Variants in CRTC1 observed in about 807,000 individuals in gnomAD.
The protein encoded by CRTC1 is CREB-regulated transcription coactivator 1.
A neutral mutation model predicts 66.1 loss-of-function variants in CRTC1; 18 were observed. That is an observed-to-expected ratio of 0.27 (90% CI 0.19 to 0.40). CRTC1 has a LOEUF of 0.40. Among genes scored for constraint, CRTC1 ranks in the 10% least tolerant of loss-of-function variants. CRTC1 has a pLI of 1.00. For missense variants in CRTC1, 669 were observed against 887.9 expected (o/e 0.75, Z 3.13); for synonymous variants, 416 against 398.8 (o/e 1.04, Z -0.51).
chr19:18,771,464 G>T lies in CRTC1; in HGVS notation c.1343G>T (p.Arg448Leu). 1 of 1,613,430 alleles carries T rather than the reference G, an allele frequency of 6.2e-7. No individual in the cohort carries two copies. The highest frequency in any genetic ancestry group is 8.5e-7 in the Non-Finnish European group (1 of 1,179,696). ...IASAPALQQY[R>L]TSAGSPANQS... ...CAGGCGCCGGCTCTGCAGCAGTACC[G>T]CACTAGCGCCGGCTCCCCGGCCAAC... Residue 448 changes from arginine to leucine, a missense_variant, in exon 11 of 14, where the codon CGC (arginine) becomes CTC (leucine). By Grantham distance (102) the Arg-to-Leu change is moderately radical. This residue lies in a region of CRTC1 where 241 missense variants were observed against 242.2 expected (regional missense o/e 0.99). Transcript: ENST00000321949. The surrounding 1 kb of genome is among the most constrained non-coding windows in gnomAD (Gnocchi z 4.6).
At chr19:18,734,481 T>C (rs1023079389) in intron 1 of CRTC1, among the ~76,000 whole-genome samples, 4 of 151,132 alleles carry the variant, frequency 2.6e-5, no homozygotes, top group Non-Finnish European at 4.4e-5. Context: ...GGAGGATTGC[T>C]TGAGGCCAGC....
intron 9 of CRTC1, among the ~76,000 whole-genome samples, chr19:18,767,106 T>G (rs1315624943): frequency 1.3e-5 from 2 of 152,180 alleles, no homozygotes; most frequent in East Asian, 3.8e-4. Flanking sequence ...TGTGCATTTC[T>G]AGAAATTTAT....
rs995262974 is a variant in CRTC1 at position 18,709,677 on chromosome 19, C to A, written c.126+25849C>A. 2.6e-5 allele frequency among the ~76,000 whole-genome samples: 4 copies of A among 152,294 alleles called. No homozygotes were observed. In the East Asian group the frequency reaches 7.7e-4, roughly 29 times the overall value. On this transcript the variant is annotated intron_variant, in intron 1 of 13. Transcript: ENST00000321949. ...GCCGGCAGTGCACCTAGGACTCCACCTGGGGGAGATGGGTCCCGTCTGCCC... is the reference window on the plus strand; with the variant it reads ...GCCGGCAGTGCACCTAGGACTCCACATGGGGGAGATGGGTCCCGTCTGCCC...
At chr19:18,686,246 A>T (rs2052681010) in intron 1 of CRTC1, among the ~76,000 whole-genome samples, 1 of 152,014 alleles carries the variant, frequency 6.6e-6, no homozygotes, top group Admixed American at 6.6e-5. Flanking sequence ...TTCAAGGTTC[A>T]TCTCTGTAGT....
chr19:18,745,719 G>C, intron 2 of CRTC1, 104 bp from the exon 3 acceptor site: 2 of 1,464,672 alleles, frequency 1.4e-6, no homozygotes, highest in South Asian at 2.3e-5. Flanking sequence ...GGGTGCTCCA[G>C]AGTGGGGGGC....
chr19:18,744,121 TG>T, intron 2 of CRTC1: 1 of 1,613,024 alleles, frequency 6.2e-7, no homozygotes. Flanking sequence ...AGCGGATTTC[TG>T]GGGGAGGCCC....
chr19:18,694,298 C>CAAAAAAAA (rs202211420), intron 1 of CRTC1, among the ~76,000 whole-genome samples: 2 of 91,288 alleles, frequency 2.2e-5, no homozygotes, highest in Non-Finnish European at 2.3e-5. Flanking sequence ...GACTCCATCT[C>CAAAAAAAA]AAAAAAAAAA....
At chr19:18,693,717 T>C (rs1173670388) in intron 1 of CRTC1, among the ~76,000 whole-genome samples, 1 of 151,368 alleles carries the variant, frequency 6.6e-6, no homozygotes. Context: ...TCTGATCTCG[T>C]GATCCACCCG....
intron 1 of CRTC1, among the ~76,000 whole-genome samples, chr19:18,739,283 G>A (rs1045681198): frequency 6.6e-5 from 10 of 152,344 alleles, no homozygotes; most frequent in African/African-American, 2.4e-4. Flanking sequence ...TGGAGCTGCT[G>A]TGGCATCCCA....
intron 1 of CRTC1, among the ~76,000 whole-genome samples, chr19:18,719,379 C>T (rs1186688865): frequency 6.6e-6 from 1 of 152,208 alleles, no homozygotes; most frequent in East Asian, 1.9e-4. Flanking sequence ...GCTAGGAGTT[C>T]AGGGGCCTGG....
At chr19:18,692,496 G>T (rs1016026375) in intron 1 of CRTC1, among the ~76,000 whole-genome samples, 3 of 152,028 alleles carry the variant, frequency 2.0e-5, no homozygotes, top group Non-Finnish European at 4.4e-5. Flanking sequence ...AGCTACTCAG[G>T]AGGCTGAGAC....
Position 18,777,377 on chromosome 19 carries a change from C to A in CRTC1, c.1900C>A (p.Leu634Met). The A allele has an allele frequency of 4.4e-6, 7 of 1,602,518 alleles. No homozygotes were observed. The highest frequency in any genetic ancestry group is 5.9e-6 in the Non-Finnish European group (7 of 1,179,842). The change falls in exon 14 of 14, where the codon CTG becomes ATG. Residue 634 changes from leucine to methionine, a missense_variant. By Grantham distance (15) the Leu-to-Met change is conservative (BLOSUM62 2). Coordinates refer to ENST00000321949, the MANE Select transcript of CRTC1 (RefSeq NM_015321.3). The surrounding 1 kb of genome is among the most constrained non-coding windows in gnomAD (Gnocchi z 5.5). ...ATEDTFRMDR[L>M] The stretch of plus-strand genomic sequence containing the variant: ...CGAGGACACCTTCCGGATGGACCGC[C>A]TGTGAGCGGGCACGCCGGCACCCTG...
chr19:18,745,285 A>C (rs2054205325), intron 2 of CRTC1, among the ~76,000 whole-genome samples: 1 of 152,102 alleles, frequency 6.6e-6, no homozygotes, highest in Non-Finnish European at 1.5e-5. Context: ...GCCGCGTCTC[A>C]ATCAAGAGCA....
chr19:18,716,003 G>A (rs1347369349), intron 1 of CRTC1, among the ~76,000 whole-genome samples: 1 of 152,174 alleles, frequency 6.6e-6, no homozygotes, highest in Non-Finnish European at 1.5e-5. Flanking sequence ...TGGCGGGGGG[G>A]GTGTCGCCAA....
chr19:18,738,852 TGGG>T (rs2054053743), intron 1 of CRTC1, among the ~76,000 whole-genome samples: 1 of 152,028 alleles, frequency 6.6e-6, no homozygotes, highest in African/African-American at 2.4e-5. Flanking sequence ...GATTGTGACT[TGGG>T]GGGCTGCTTC....
rs1258592925 is a variant in CRTC1, at chr19:18,768,758, C to T, written c.1285C>T (p.Pro429Ser). The T allele has an allele frequency of 8.7e-6, 14 of 1,602,576 alleles. No individual in the cohort carries two copies. The highest frequency in any genetic ancestry group is 1.2e-5 in the Non-Finnish European group (14 of 1,175,858). ...SSLPQSPPEN[P>S]GQPSMGIDIA... ...TCTCCCCCAGTCCCCCCCAGAGAAC[C>T]CTGGCCAGCCATCGATGGGGATCGA... Residue 429 changes from proline (P) to serine (S), a missense_variant, in exon 10 of 14, where the codon CCT (proline) becomes TCT (serine). Physicochemically the swap from Pro to Ser is moderately conservative, Grantham distance 74 (BLOSUM62 -1). Transcript: ENST00000321949. This position sits in a 1 kb window ranked among gnomAD's most constrained non-coding sequence, Gnocchi z 5.6.
intron 1 of CRTC1, among the ~76,000 whole-genome samples, chr19:18,697,910 G>C (rs1369708081): frequency 6.6e-6 from 1 of 152,282 alleles, no homozygotes; most frequent in Non-Finnish European, 1.5e-5. Context: ...ATATTTAGCA[G>C]ATGTTCAGTA....
intron 1 of CRTC1, among the ~76,000 whole-genome samples, chr19:18,693,337 C>T (rs905848012): frequency 2.0e-5 from 3 of 150,332 alleles, no homozygotes; most frequent in African/African-American, 7.4e-5. Flanking sequence ...TGCAGTGAGC[C>T]GAGATTGTGC....
At chr19:18,708,953 G>C (rs2053327787) in intron 1 of CRTC1, among the ~76,000 whole-genome samples, 1 of 152,210 alleles carries the variant, frequency 6.6e-6, no homozygotes, top group Admixed American at 6.5e-5. Flanking sequence ...CTGCTGTCCT[G>C]TCCTCCGTGG....
Sources: gnomAD v4.1 joint callset for allele counts (sites outside exome capture counted in the v4.1 genomes callset) on GRCh38, gnomAD v4.1.1 for gene constraint, gnomAD v4.1.1 regional missense constraint, Gnocchi (gnomAD v3.1) non-coding constraint, MANE v1.5 for transcripts, NCBI Gene and HGNC (gene_info 2026-07-23, HGNC 2026-07-21) for gene names.